Variants in IL15 observed in about 807,000 individuals in gnomAD.
The protein encoded by IL15 is interleukin-15.
IL15 carries 11 observed loss-of-function variants against 19.6 expected under a neutral mutation model. The observed-to-expected ratio is 0.56, with a 90% CI of 0.35 to 0.93. The LOEUF is 0.93. Among genes scored for constraint, IL15 ranks in the 40% least tolerant of loss-of-function variants. The probability of loss-of-function intolerance (pLI) is 0.01; values close to 1 mark genes in which losing one functional copy is unlikely to be tolerated. For missense variants in IL15, 197 were observed against 186.5 expected, an observed-to-expected ratio of 1.06 and a Z score of -0.33; for synonymous variants, 58 against 59.6, an observed-to-expected ratio of 0.97 and a Z score of 0.12.
chr4:141,648,562 T>C (rs1727303839), intron 1 of IL15, among the ~76,000 whole-genome samples: 1 of 152,022 alleles, frequency 6.6e-6, no homozygotes, highest in Non-Finnish European at 1.5e-5. Context: ...GTGTCTCTTC[T>C]CCTGAGGGTT....
Position 141,727,963 on chromosome 4 carries a change from A to G in IL15, c.219A>G (p.Leu73=), listed in dbSNP as rs1468548054. Residue 73 remains leucine, a synonymous_variant, in exon 6 of 8, where the codon TTA becomes TTG. Transcript: ENST00000320650. ...AGTCTATGCATATTGATGCTACTTT[A>G]TATACGGAAAGTGATGTTCACGTGA... The part of the protein sequence containing the change: ...LIQSMHIDAT[L]YTESDVHPSC... The G allele has an allele frequency of 2.2e-6, 3 of 1,361,860 alleles. No homozygotes were observed. The highest frequency in any genetic ancestry group is 2.4e-5 in the East Asian group (1 of 42,084). 84.4% of individuals were successfully genotyped at this position (1,361,860 alleles called of 1,614,324 possible).
chr4:141,723,074 G>C (rs950956400), intron 5 of IL15, among the ~76,000 whole-genome samples: 1 of 152,100 alleles, frequency 6.6e-6, no homozygotes, highest in Non-Finnish European at 1.5e-5. Context: ...GTAAAAGAGA[G>C]AGATTGGTTG....
chr4:141,644,715 G>A (rs1447247157), intron 1 of IL15, among the ~76,000 whole-genome samples: 1 of 152,032 alleles, frequency 6.6e-6, no homozygotes, highest in Non-Finnish European at 1.5e-5. Context: ...TAAAAAGATA[G>A]GTTATCTGTG....
chr4:141,721,070 A>G, intron 4 of IL15: 1 of 1,286,554 alleles, frequency 7.8e-7, no homozygotes, highest in Non-Finnish European at 1.1e-6. Flanking sequence ...TGCAGCTAAT[A>G]TACCCAGTTG....
chr4:141,695,181 C>A (rs1366043771), intron 2 of IL15, among the ~76,000 whole-genome samples: 1 of 150,090 alleles, frequency 6.7e-6, no homozygotes, highest in African/African-American at 2.4e-5. Flanking sequence ...CCACCCCTAT[C>A]TAATTTTAAC....
At chr4:141,705,754 T>A (rs896077242) in intron 2 of IL15, among the ~76,000 whole-genome samples, 3 of 152,098 alleles carry the variant, frequency 2.0e-5, no homozygotes, top group Non-Finnish European at 2.9e-5. Flanking sequence ...ATCTGGGTGC[T>A]CTGGTGTTGG....
intron 2 of IL15, among the ~76,000 whole-genome samples, chr4:141,665,451 T>A (rs778969641): frequency 5.9e-5 from 9 of 152,106 alleles, no homozygotes; most frequent in Non-Finnish European, 1.2e-4. Context: ...TCCTCTTTAT[T>A]CCTTTTCTAT....
In IL15 at chr4:141,659,245, C is replaced by G. The variant is rs537044847; in HGVS notation, c.-100+2938C>G. 7.2e-5 allele frequency among the ~76,000 whole-genome samples: 11 copies of G among 151,792 alleles called. No homozygotes were observed. In the South Asian group the frequency reaches 2.3e-3, roughly 32 times the overall value. Reference sequence around the variant, plus strand: ...GGAGACGGAGTCTTGCTTGTTTGCCCAGGCTGGAATGCAATGGCGTGATCT... The same window carrying G: ...GGAGACGGAGTCTTGCTTGTTTGCCGAGGCTGGAATGCAATGGCGTGATCT... On this transcript the variant is annotated intron_variant, in intron 2 of 7. Coordinates refer to ENST00000320650, the MANE Select transcript of IL15 (RefSeq NM_000585.5).
At chr4:141,643,724 A>C (rs1405461625) in intron 1 of IL15, among the ~76,000 whole-genome samples, 2 of 151,886 alleles carry the variant, frequency 1.3e-5, no homozygotes, top group Non-Finnish European at 2.9e-5. Context: ...CCTGTTCTCT[A>C]TCTGTACTCT....
chr4:141,660,040 T>A (rs1267521534), intron 2 of IL15, among the ~76,000 whole-genome samples: 1 of 152,192 alleles, frequency 6.6e-6, no homozygotes, highest in Non-Finnish European at 1.5e-5. Flanking sequence ...CAAGTAAGTG[T>A]AATTTGTTCC....
At chr4:141,651,005 C>G (rs1173206652) in intron 1 of IL15, among the ~76,000 whole-genome samples, 1 of 151,938 alleles carries the variant, frequency 6.6e-6, no homozygotes, top group Non-Finnish European at 1.5e-5. Context: ...TTTACATGAA[C>G]TATAGTTTTG....
intron 2 of IL15, among the ~76,000 whole-genome samples, chr4:141,677,316 G>C (rs1728379865): frequency 6.6e-6 from 1 of 152,062 alleles, no homozygotes; most frequent in Non-Finnish European, 1.5e-5. Context: ...TCCACTTAAT[G>C]AATAATAATT....
intron 2 of IL15, among the ~76,000 whole-genome samples, chr4:141,701,154 C>G (rs940346446): frequency 4.6e-5 from 7 of 152,066 alleles, no homozygotes; most frequent in African/African-American, 1.7e-4. Context: ...TTGCTGGGAG[C>G]TAATGTGATC....
At chr4:141,729,154 C>T (rs1730366607) in intron 6 of IL15, among the ~76,000 whole-genome samples, 1 of 151,974 alleles carries the variant, frequency 6.6e-6, no homozygotes, top group Non-Finnish European at 1.5e-5. Context: ...TTTTTTTATC[C>T]ATTCAGTAAG....
At chr4:141,680,924 G>C (rs1728510374) in intron 2 of IL15, among the ~76,000 whole-genome samples, 1 of 152,128 alleles carries the variant, frequency 6.6e-6, no homozygotes, top group Non-Finnish European at 1.5e-5. Context: ...ATACATTTTG[G>C]AGAGATTTGT....
At chr4:141,692,201 C>T (rs1000576658) in intron 2 of IL15, among the ~76,000 whole-genome samples, 3 of 152,194 alleles carry the variant, frequency 2.0e-5, no homozygotes, top group African/African-American at 7.2e-5. Flanking sequence ...ACACAGGGTG[C>T]CATGTCCCGA....
intron 5 of IL15, among the ~76,000 whole-genome samples, chr4:141,727,032 A>G (rs1434558709): frequency 2.6e-5 from 4 of 152,148 alleles, no homozygotes; most frequent in Non-Finnish European, 5.9e-5. Flanking sequence ...CAATAAAAAG[A>G]TCAGTGGTTG....
In IL15 at chr4:141,719,266, A is replaced by G. The variant is rs112773587; in HGVS notation, c.-99-100A>G. 2.1e-5 allele frequency: 10 copies of G among 469,770 alleles called. 1 individual carries two copies. Among genetic ancestry groups the G allele is most frequent in the African/African-American group, 1.8e-4 (9 of 49,768 alleles). 29.1% of individuals were successfully genotyped at this position (469,770 alleles called of 1,614,324 possible). ...GATGCATCTGTTAAGTAACTAATAG[A>G]GTGCTTATTAAAAGGTAGGTGTTCA... is the stretch of plus-strand genomic sequence containing the variant. On this transcript the variant is annotated intron_variant, in intron 2 of 7. Transcript: ENST00000320650.
chr4:141,712,610 A>C (rs1008812938), intron 2 of IL15, among the ~76,000 whole-genome samples: 13 of 148,016 alleles, frequency 8.8e-5, no homozygotes, highest in African/African-American at 3.2e-4. Flanking sequence ...AAATAAATAT[A>C]TTGTTTAAAT....
Sources: allele counts gnomAD v4.1 joint callset (sites outside exome capture counted in the v4.1 genomes callset), GRCh38; gene constraint gnomAD v4.1.1; transcripts MANE v1.5; gene names NCBI Gene and HGNC (gene_info 2026-07-23, HGNC 2026-07-21).